Variants in THSD7A observed in about 807,000 individuals in gnomAD.
THSD7A encodes thrombospondin type 1 domain containing 7A, also known as thrombospondin type-1 domain-containing protein 7A.
A neutral mutation model predicts 231.3 loss-of-function variants in THSD7A; 96 were observed. The ratio of observed to expected loss-of-function variants is 0.41; its 90% confidence interval spans 0.35 to 0.49. The LOEUF (loss-of-function observed/expected upper bound fraction) is 0.49, where lower values mean the gene tolerates loss of function less well. Among genes scored for constraint, THSD7A ranks in the 20% least tolerant of loss-of-function variants. The probability of loss-of-function intolerance (pLI) is 0.05; values close to 1 mark genes in which losing one functional copy is unlikely to be tolerated. For missense variants in THSD7A, 2,290 were observed against 2,070.2 expected (o/e 1.11, Z -2.06); for synonymous variants, 940 against 743.3 (o/e 1.26, Z -4.30).
Position 11,831,348 on chromosome 7 carries a change from A to G in THSD7A, c.190+409T>C, listed in dbSNP as rs902813737. ...AGCTAAAGTTAACAAATTCAACTCT[A>G]TATCCACAAATGTCATGACAGTGAG... On this transcript the variant is annotated intron_variant, in intron 1 of 27. Transcript: ENST00000423059. The surrounding 1 kb of genome is among the most constrained non-coding windows in gnomAD (Gnocchi z 5.0). Among the ~76,000 whole-genome samples the G allele has an allele frequency of 6.6e-6, 1 of 152,226 alleles. No individual in the cohort carries two copies. Among genetic ancestry groups the G allele is most frequent in the Non-Finnish European group, 1.5e-5 (1 of 68,036 alleles).
chr7:11,521,393 T>G (rs1226954171), intron 6 of THSD7A, among the ~76,000 whole-genome samples: 1 of 152,032 alleles, frequency 6.6e-6, no homozygotes, highest in East Asian at 1.9e-4. Context: ...GCCACTGTGA[T>G]TTCTAATATA....
intron 2 of THSD7A, among the ~76,000 whole-genome samples, chr7:11,607,080 C>T (rs1452981834): frequency 1.3e-5 from 2 of 151,928 alleles, no homozygotes; most frequent in African/African-American, 4.8e-5. Context: ...TTCACATATG[C>T]TAAGACAGCC....
rs373339926 is a variant in THSD7A at position 11,636,920 on chromosome 7, C to T, written c.232G>A (p.Gly78Ser). ...CACCACACAGCCCTCGTTTGGATGCCTCCGGGACCACATTCATCTCCCATA... is the reference window on the plus strand; with the variant it reads ...CACCACACAGCCCTCGTTTGGATGCTTCCGGGACCACATTCATCTCCCATA... Reference protein sequence around the residue: ...RCMGDECGPGGIQTRAVWCAH... With the variant: ...RCMGDECGPGSIQTRAVWCAH... Residue 78 changes from glycine (G) to serine (S), a missense_variant, in exon 2 of 28, where the codon GGC becomes AGC. Gly to Ser is a moderately conservative substitution (Grantham distance 56). Coordinates refer to ENST00000423059, the MANE Select transcript of THSD7A (RefSeq NM_015204.3). The surrounding 1 kb of genome is among the most constrained non-coding windows in gnomAD (Gnocchi z 10.0). 1.7e-5 allele frequency: 28 copies of T among 1,612,624 alleles called. No individual in the cohort carries two copies. The highest frequency in any genetic ancestry group is 2.4e-5 in the Non-Finnish European group (28 of 1,179,712).
At chr7:11,541,354 A>G (rs1448730529) in intron 6 of THSD7A, 65 bp downstream of exon 6, 13 of 1,489,784 alleles carry the variant, frequency 8.7e-6, no homozygotes, top group Non-Finnish European at 1.2e-5. Flanking sequence ...GGATTTTAAC[A>G]GAAAGTAAAA....
chr7:11,434,457 G>A (rs1784569674), intron 13 of THSD7A, among the ~76,000 whole-genome samples: 1 of 152,100 alleles, frequency 6.6e-6, no homozygotes, highest in African/African-American at 2.4e-5. Flanking sequence ...TTTGAATTAT[G>A]AATGTGGAGA....
chr7:11,710,029 T>G (rs1438580481), intron 1 of THSD7A, among the ~76,000 whole-genome samples: 1 of 150,866 alleles, frequency 6.6e-6, no homozygotes, highest in African/African-American at 2.4e-5. Flanking sequence ...ATCTTGTGAA[T>G]TTTTAATACT....
In THSD7A at chr7:11,831,814, C is replaced by G. The variant is rs765746705; in HGVS notation, c.133G>C (p.Gly45Arg). 6 of 1,450,596 alleles carry G rather than the reference C, an allele frequency of 4.1e-6. No homozygotes were observed. Among genetic ancestry groups the G allele is most frequent in the Non-Finnish European group, 5.5e-6 (6 of 1,097,832 alleles). The allele number at this position is 1,450,596 out of a possible 1,614,324, so 89.9% of individuals were successfully genotyped here. Residue 45 changes from glycine to arginine, a missense_variant, in exon 1 of 28, where the codon GGC becomes CGC. Transcript: ENST00000423059. This position sits in a 1 kb window ranked among gnomAD's most constrained non-coding sequence, Gnocchi z 5.0. ...LLLLLLRPGAGRAAAQGEAEA... is the reference protein window; with the variant it reads ...LLLLLLRPGARRAAAQGEAEA... ...GCCTCGCCCTGCGCCGCAGCCCTGC[C>G]GGCGCCCGGGCGTAGCAGCAGCAGC...
At chr7:11,549,025 C>A (rs901832862) in intron 4 of THSD7A, among the ~76,000 whole-genome samples, 8 of 151,990 alleles carry the variant, frequency 5.3e-5, no homozygotes, top group Non-Finnish European at 1.0e-4. Context: ...GGTCTAATAT[C>A]CAGAATCTAC....
At chr7:11,379,347 T>G in intron 25 of THSD7A, 67 bp from the exon 26 acceptor site, 1 of 1,506,686 alleles carries the variant, frequency 6.6e-7, no homozygotes, top group Non-Finnish European at 9.2e-7. Context: ...CAGACCTGAC[T>G]TGAAGAGAAG....
intron 13 of THSD7A, among the ~76,000 whole-genome samples, chr7:11,442,608 G>T (rs181946300): frequency 6.6e-5 from 10 of 152,154 alleles, no homozygotes; most frequent in Non-Finnish European, 1.0e-4. Context: ...GGGGATGACT[G>T]GGATAGAGTG....
rs1410043512 is a variant in THSD7A at position 11,484,120 on chromosome 7, C to G, written c.1823-2138G>C. 3.3e-5 allele frequency among the ~76,000 whole-genome samples: 5 copies of G among 151,852 alleles called. No homozygotes were observed. In the South Asian group the frequency reaches 8.3e-4, roughly 25 times the overall value. On this transcript the variant is annotated intron_variant, in intron 6 of 27. Transcript: ENST00000423059. ...TTTCCTGTAGGATCACTCCTTCTAC[C>G]ACCCTTAATCCTCTGTGGAGCTATT...
intron 4 of THSD7A, among the ~76,000 whole-genome samples, chr7:11,557,866 T>A (rs538175394): frequency 1.3e-5 from 2 of 151,976 alleles, no homozygotes; most frequent in South Asian, 4.2e-4. Context: ...CTAGTGGGAG[T>A]GTTGAGCGAC....
intron 1 of THSD7A, among the ~76,000 whole-genome samples, chr7:11,750,892 T>C (rs1782478584): frequency 6.6e-6 from 1 of 152,004 alleles, no homozygotes; most frequent in South Asian, 2.1e-4. Context: ...TACTAGACAA[T>C]AGAGTCAAAG....
At chr7:11,398,381 T>G (rs1267956215) in intron 23 of THSD7A, among the ~76,000 whole-genome samples, 1 of 151,816 alleles carries the variant, frequency 6.6e-6, no homozygotes, top group Non-Finnish European at 1.5e-5. Flanking sequence ...CACTGGGGCC[T>G]GTCGAGGGGT....
At chr7:11,697,213 C>A (rs962898255) in intron 1 of THSD7A, among the ~76,000 whole-genome samples, 2 of 151,366 alleles carry the variant, frequency 1.3e-5, no homozygotes, top group African/African-American at 4.8e-5. Flanking sequence ...CATTGGCCAA[C>A]CTGTCTTTGG....
chr7:11,380,649 A>G (rs1782475486), intron 24 of THSD7A, among the ~76,000 whole-genome samples: 1 of 152,196 alleles, frequency 6.6e-6, no homozygotes, highest in African/African-American at 2.4e-5. Context: ...ACACACACAC[A>G]AAGCAGTATT....
In THSD7A at chr7:11,814,550, G is replaced by A. The variant is rs904365959; in HGVS notation, c.190+17207C>T. On this transcript the variant is annotated intron_variant, in intron 1 of 27. Coordinates refer to ENST00000423059, the MANE Select transcript of THSD7A (RefSeq NM_015204.3). The surrounding 1 kb of genome is among the most constrained non-coding windows in gnomAD (Gnocchi z 5.1). The stretch of plus-strand genomic sequence containing the variant: ...AAATCATGACTTTCATGATTCTGCA[G>A]TGCTTGATCAACCAAGGTTGAAGGA... Among the ~76,000 whole-genome samples the A allele has an allele frequency of 3.3e-5, 5 of 152,128 alleles. No individual in the cohort carries two copies. The highest frequency in any genetic ancestry group is 1.2e-4 in the African/African-American group (5 of 41,432).
intron 1 of THSD7A, among the ~76,000 whole-genome samples, chr7:11,792,576 G>A (rs1783990820): frequency 6.6e-6 from 1 of 151,858 alleles, no homozygotes; most frequent in Admixed American, 6.6e-5. Context: ...GCCTAGCTCT[G>A]ATCATTTGTT....
At chr7:11,670,692 A>G (rs1243863134) in intron 1 of THSD7A, among the ~76,000 whole-genome samples, 2 of 152,190 alleles carry the variant, frequency 1.3e-5, no homozygotes, top group Non-Finnish European at 2.9e-5. Context: ...ACAGCACTGT[A>G]GATGGTATTA....
Sources: gnomAD v4.1 joint callset for allele counts (sites outside exome capture counted in the v4.1 genomes callset) on GRCh38, gnomAD v4.1.1 for gene constraint, Gnocchi (gnomAD v3.1) non-coding constraint, MANE v1.5 for transcripts, NCBI Gene and HGNC (gene_info 2026-07-23, HGNC 2026-07-21) for gene names.